Variants in OLA1 observed in about 807,000 individuals in gnomAD.
OLA1 encodes obg-like ATPase 1.
Under a neutral mutation model 48.4 loss-of-function variants are expected in OLA1, and 14 were observed. That is an observed-to-expected ratio of 0.29 (90% CI 0.19 to 0.45). The LOEUF is 0.45. Ranked by LOEUF, OLA1 falls within the 20% of genes least tolerant of loss-of-function variation. OLA1 has a pLI of 1.00. For missense variants in OLA1, 325 were observed against 467.1 expected (o/e 0.70, Z 2.80); for synonymous variants, 127 against 150.4 (o/e 0.84, Z 1.14).
chr2:174,221,618 A>C (rs1458308007), intron 4 of OLA1, among the ~76,000 whole-genome samples: 1 of 152,152 alleles, frequency 6.6e-6, no homozygotes, highest in Admixed American at 6.6e-5. Context: ...TGTCCTATCA[A>C]TTCTACTTTC....
intron 4 of OLA1, among the ~76,000 whole-genome samples, chr2:174,163,399 A>C (rs1448636993): frequency 6.6e-6 from 1 of 152,082 alleles, no homozygotes. Flanking sequence ...TTAATTAAAA[A>C]TAAATATGCC....
At chr2:174,240,521 T>C (rs1688974876) in intron 2 of OLA1, 1 of 151,202 alleles carries the variant, frequency 6.6e-6, no homozygotes, top group African/African-American at 2.4e-5. Context: ...CAAGAGATCA[T>C]TGTAATACAT....
At chr2:174,135,705 A>T (rs1255230272) in intron 5 of OLA1, among the ~76,000 whole-genome samples, 1 of 152,214 alleles carries the variant, frequency 6.6e-6, no homozygotes, top group Non-Finnish European at 1.5e-5. Flanking sequence ...TTTAGAAATG[A>T]TCTCTTTAAG....
In OLA1 at chr2:174,072,618, T is replaced by C. The variant is rs1296743640; in HGVS notation, c.*2808A>G. The C allele has an allele frequency of 2.6e-5, 4 of 152,106 alleles. No homozygotes were observed. Among genetic ancestry groups the C allele is most frequent in the African/African-American group, 9.7e-5 (4 of 41,396 alleles). 9.4% of individuals were successfully genotyped at this position (152,106 alleles called of 1,614,324 possible). A position where few individuals can be genotyped will look rare whatever the true frequency, so the allele number is the denominator to read the frequency against. Reference sequence around the variant, plus strand: ...AATTTAAGTAGACTAATCAGAACAATAGAAGAGGCAGGAGGAGGAGATACC... The same window carrying C: ...AATTTAAGTAGACTAATCAGAACAACAGAAGAGGCAGGAGGAGGAGATACC... On this transcript the variant is annotated 3_prime_UTR_variant, in exon 11 of 11. Transcript: ENST00000284719.
At chr2:174,096,954 G>A (rs182289442) in intron 7 of OLA1, among the ~76,000 whole-genome samples, 3 of 152,102 alleles carry the variant, frequency 2.0e-5, no homozygotes, top group East Asian at 1.9e-4. Context: ...TCAGGAGTTC[G>A]AGACCAGCCT....
chr2:174,132,982 C>T (rs1686218943), intron 5 of OLA1, among the ~76,000 whole-genome samples: 1 of 152,066 alleles, frequency 6.6e-6, no homozygotes, highest in Admixed American at 6.6e-5. Context: ...TTCAATCCTG[C>T]CACTTTTTGC....
intron 4 of OLA1, among the ~76,000 whole-genome samples, chr2:174,154,404 C>T (rs1317352206): frequency 6.6e-6 from 1 of 152,154 alleles, no homozygotes; most frequent in Non-Finnish European, 1.5e-5. Flanking sequence ...AACTCTTGTG[C>T]TGACTCATAA....
chr2:174,138,221 A>T (rs999237228), intron 5 of OLA1, among the ~76,000 whole-genome samples: 1 of 152,220 alleles, frequency 6.6e-6, no homozygotes, highest in Non-Finnish European at 1.5e-5. Context: ...TTTTGATTTA[A>T]AATGAGAGAT....
At chr2:174,161,190 T>C (rs1266693536) in intron 4 of OLA1, among the ~76,000 whole-genome samples, 1 of 152,178 alleles carries the variant, frequency 6.6e-6, no homozygotes, top group Non-Finnish European at 1.5e-5. Flanking sequence ...TACAATGCCA[T>C]ATAATATTTT....
At chr2:174,144,345 T>C (rs1004969848) in intron 4 of OLA1, among the ~76,000 whole-genome samples, 1 of 152,036 alleles carries the variant, frequency 6.6e-6, no homozygotes, top group Non-Finnish European at 1.5e-5. Flanking sequence ...TGTGAGGTGG[T>C]AACATACCAT....
chr2:174,161,565 TGA>T (rs1256301727), intron 4 of OLA1, among the ~76,000 whole-genome samples: 4 of 151,736 alleles, frequency 2.6e-5, no homozygotes, highest in Non-Finnish European at 4.4e-5. Context: ...CTTGGGAAAC[TGA>T]GATGGGAGGA....
At chr2:174,109,198 A>G (rs1685584066) in intron 7 of OLA1, among the ~76,000 whole-genome samples, 1 of 152,194 alleles carries the variant, frequency 6.6e-6, no homozygotes, top group African/African-American at 2.4e-5. Flanking sequence ...CCACACTCAC[A>G]TATCTTCTTA....
rs193920787 is a variant in OLA1 at position 174,082,006 on chromosome 2, A to C, written c.787T>G (p.Phe263Val). ...AACTTGAGTTCCAAGGCCCCACTAA[A>C]AGGAATGACCAAAGCACCTGGGTCA... ...KYDPGALVIP[F>V]SGALELKLQE... The change falls in exon 8 of 11, where the codon TTT becomes GTT. Residue 263 changes from phenylalanine (F) to valine (V), a missense_variant. Phe to Val is a conservative substitution (Grantham distance 50). Transcript: ENST00000284719. 1.2e-6 allele frequency: 2 copies of C among 1,613,534 alleles called. No individual in the cohort carries two copies. The highest frequency in any genetic ancestry group is 2.2e-5 in the South Asian group (2 of 91,068).
intron 7 of OLA1, among the ~76,000 whole-genome samples, chr2:174,082,330 C>T (rs1558944810): frequency 6.6e-6 from 1 of 152,062 alleles, no homozygotes; most frequent in Non-Finnish European, 1.5e-5. Context: ...TTTTTAGTTA[C>T]ACTAAAATTG....
intron 5 of OLA1, among the ~76,000 whole-genome samples, chr2:174,135,970 G>T (rs1041042259): frequency 6.6e-6 from 1 of 152,208 alleles, no homozygotes; most frequent in Non-Finnish European, 1.5e-5. Context: ...CTATATTGTA[G>T]TCTATTAAGC....
Position 174,229,397 on chromosome 2 carries a change from G to A in OLA1, c.156C>T (p.Phe52=), listed in dbSNP as rs766398595. 3.7e-6 allele frequency: 6 copies of A among 1,613,284 alleles called. No individual in the cohort carries two copies. Among genetic ancestry groups the A allele is most frequent in the Non-Finnish European group, 2.5e-6 (3 of 1,179,444 alleles). The change falls in exon 3 of 11, where the codon TTC becomes TTT. Residue 52 remains phenylalanine (F), a synonymous_variant. Coordinates refer to ENST00000284719, the MANE Select transcript of OLA1 (RefSeq NM_013341.5). The part of the protein sequence containing the change: ...LTNSQASAEN[F]PFCTIDPNES... ...CATTAGGATCAATAGTGCAGAACGG[G>A]AAGTTTTCTGCTGAAGCCTGACTAT... is the stretch of plus-strand genomic sequence containing the variant.
At chr2:174,206,388 CAAAA>C (rs573133365) in intron 4 of OLA1, among the ~76,000 whole-genome samples, 22 of 150,746 alleles carry the variant, frequency 1.5e-4, no homozygotes, top group Admixed American at 1.5e-3. Context: ...AACAAACAAA[CAAAA>C]AAAAACTGAT....
At chr2:174,156,095 C>G (rs1178802277) in intron 4 of OLA1, among the ~76,000 whole-genome samples, 7 of 152,120 alleles carry the variant, frequency 4.6e-5, no homozygotes, top group Middle Eastern at 3.2e-3. Context: ...AGGACAGGAC[C>G]TCATACAGAG....
chr2:174,135,091 T>C (rs1185614477), intron 5 of OLA1, among the ~76,000 whole-genome samples: 3 of 137,378 alleles, frequency 2.2e-5, no homozygotes, highest in Non-Finnish European at 4.5e-5. Flanking sequence ...ACCCGGGAGG[T>C]AGAGTTAGCA....
Sources: gnomAD v4.1 joint callset for allele counts (sites outside exome capture counted in the v4.1 genomes callset) on GRCh38, gnomAD v4.1.1 for gene constraint, MANE v1.5 for transcripts, NCBI Gene and HGNC (gene_info 2026-07-23, HGNC 2026-07-21) for gene names.